The following PPP1R21 variants were observed in gnomAD, a reference collection of about 807,000 sequenced individuals.
PPP1R21 encodes the protein KLRAQ motif containing 1.
In PPP1R21, 85 loss-of-function variants were observed where a neutral mutation model predicts 112.8. That is an observed-to-expected ratio of 0.75 (90% CI 0.63 to 0.90). The LOEUF (loss-of-function observed/expected upper bound fraction) is 0.90. Among genes scored for constraint, PPP1R21 ranks in the 40% least tolerant of loss-of-function variants. PPP1R21 has a pLI of 0.00. For missense variants in PPP1R21, 1,199 were observed against 901.5 expected (o/e 1.33, Z -4.23); for synonymous variants, 381 against 322.3 (o/e 1.18, Z -1.95).
chr2:48,457,952 A>T, intron 3 of PPP1R21, 174 bp from the exon 4 acceptor site: 1 of 580,156 alleles, frequency 1.7e-6, no homozygotes, highest in Non-Finnish European at 3.3e-6. Context: ...TGCAGTTTCA[A>T]CTTGTGTCAC....
chr2:48,477,044 C>A lies in PPP1R21; in HGVS notation c.1225+2225C>A, dbSNP rs1027370700. ...AAATCTGAGGTTATGAAGACTTACC[C>A]TGTGTTTTCTTCTAAGCGTTTTATA... is the stretch of plus-strand genomic sequence containing the variant. On this transcript the variant is annotated intron_variant, in intron 12 of 21. Transcript: ENST00000294952. Among the ~76,000 whole-genome samples the A allele has an allele frequency of 4.0e-5, 6 of 151,476 alleles. No homozygotes were observed. The South Asian group carries it at 1.2e-3, about 32-fold the overall frequency.
At chr2:48,461,335 G>C in intron 7 of PPP1R21, 103 bp downstream of exon 7, 1 of 1,347,826 alleles carries the variant, frequency 7.4e-7, no homozygotes, top group Non-Finnish European at 9.6e-7. Context: ...AAATTTAATT[G>C]GCCCCACAGA....
chr2:48,474,129 T>G (rs1461951667), intron 11 of PPP1R21, among the ~76,000 whole-genome samples: 2 of 152,198 alleles, frequency 1.3e-5, no homozygotes, highest in Non-Finnish European at 2.9e-5. Context: ...ATGCCTGTAA[T>G]CCCAGCACTT....
At chr2:48,491,227 G>A (rs2103940328) in intron 15 of PPP1R21, 57 bp downstream of exon 15, 1 of 1,557,060 alleles carries the variant, frequency 6.4e-7, no homozygotes, top group Non-Finnish European at 8.7e-7. Context: ...TCATTCTAGA[G>A]AATGGCAAGA....
intron 18 of PPP1R21, 83 bp downstream of exon 18, chr2:48,505,679 T>C: frequency 8.5e-7 from 1 of 1,178,188 alleles, no homozygotes; most frequent in South Asian, 1.3e-5. Flanking sequence ...AAGCCATCTT[T>C]GTCTAATTGT....
At chr2:48,479,271 G>A (rs1281311767) in intron 12 of PPP1R21, among the ~76,000 whole-genome samples, 2 of 152,198 alleles carry the variant, frequency 1.3e-5, no homozygotes, top group African/African-American at 4.8e-5. Flanking sequence ...TGGGAGAGAC[G>A]AAGTCCCGTG....
chr2:48,441,146 G>A, intron 1 of PPP1R21, 136 bp downstream of exon 1: 2 of 688,180 alleles, frequency 2.9e-6, no homozygotes, highest in South Asian at 1.6e-5. Context: ...AGCCGTCTCC[G>A]TCCACCATTA....
intron 7 of PPP1R21, among the ~76,000 whole-genome samples, chr2:48,462,867 T>C (rs533202661): frequency 2.0e-5 from 3 of 152,192 alleles, no homozygotes; most frequent in East Asian, 1.9e-4. Flanking sequence ...TGGCGTACTA[T>C]TGTGGAGGCT....
intron 2 of PPP1R21, among the ~76,000 whole-genome samples, chr2:48,451,435 C>T (rs866825155): frequency 1.3e-5 from 2 of 152,120 alleles, no homozygotes; most frequent in African/African-American, 2.4e-5. Flanking sequence ...TATTTGAATC[C>T]CTCTCACTCA....
chr2:48,508,170 TA>T (rs1276530596), intron 19 of PPP1R21, among the ~76,000 whole-genome samples: 5 of 151,274 alleles, frequency 3.3e-5, no homozygotes, highest in African/African-American at 1.2e-4. Flanking sequence ...AGAGAGAAAG[TA>T]GAGATACCAA....
At chr2:48,482,117 AT>A (rs1302157563) in intron 13 of PPP1R21, among the ~76,000 whole-genome samples, 1 of 152,210 alleles carries the variant, frequency 6.6e-6, no homozygotes, top group East Asian at 1.9e-4. Flanking sequence ...TTCTTAATCT[AT>A]TGGTTGATAG....
rs1212660416 is a variant in PPP1R21 at position 48,467,536 on chromosome 2, A to G, written c.897+1894A>G. Among the ~76,000 whole-genome samples the G allele has an allele frequency of 2.6e-5, 4 of 152,322 alleles. No individual in the cohort carries two copies. The East Asian group carries it at 7.7e-4, about 29-fold the overall frequency. ...ACTGGAGCTGGGGGATTTGCATCCC[A>G]GGTGGCCGACTTACATGCCTGGTGA... On this transcript the variant is annotated intron_variant, in intron 9 of 21. Coordinates refer to ENST00000294952, the MANE Select transcript of PPP1R21 (RefSeq NM_001135629.3).
At chr2:48,505,484 G>T in intron 17 of PPP1R21, 80 bp from the exon 18 acceptor site, 1 of 1,079,796 alleles carries the variant, frequency 9.3e-7, no homozygotes, top group South Asian at 1.3e-5. Flanking sequence ...ACGGAGAGGA[G>T]AAAATATTAA....
At chr2:48,453,354 T>C (rs553065072) in intron 2 of PPP1R21, among the ~76,000 whole-genome samples, 2 of 152,208 alleles carry the variant, frequency 1.3e-5, no homozygotes, top group Non-Finnish European at 2.9e-5. Flanking sequence ...CAGTTATTTT[T>C]TTATTTTCTA....
chr2:48,459,732 G>C (rs1667891544), intron 4 of PPP1R21, 22 bp from the exon 5 acceptor site: 1 of 1,604,974 alleles, frequency 6.2e-7, no homozygotes, highest in Non-Finnish European at 8.5e-7. Context: ...TGTGAGAAGA[G>C]AAAATGGTCT....
intron 3 of PPP1R21, among the ~76,000 whole-genome samples, chr2:48,457,185 A>T (rs147964494): frequency 3.9e-5 from 6 of 152,302 alleles, no homozygotes; most frequent in African/African-American, 1.4e-4. Context: ...TGGGTGTAAT[A>T]TTGAGAATTA....
chr2:48,477,135 T>A (rs888411927), intron 12 of PPP1R21, among the ~76,000 whole-genome samples: 1 of 148,834 alleles, frequency 6.7e-6, no homozygotes, highest in African/African-American at 2.5e-5. Context: ...TTTTTTTTTT[T>A]TTTTTAGACA....
At chr2:48,510,927 T>C (rs1210665929) in intron 20 of PPP1R21, among the ~76,000 whole-genome samples, 1 of 152,224 alleles carries the variant, frequency 6.6e-6, no homozygotes, top group African/African-American at 2.4e-5. Flanking sequence ...TGAGAAAAAC[T>C]TGTTGCCATT....
chr2:48,492,621 G>T (rs1189106002), intron 15 of PPP1R21, among the ~76,000 whole-genome samples: 2 of 152,224 alleles, frequency 1.3e-5, no homozygotes, highest in Non-Finnish European at 2.9e-5. Context: ...GGTGGAATAT[G>T]AGAAGTAGAA....
Sources: allele counts gnomAD v4.1 joint callset (sites outside exome capture counted in the v4.1 genomes callset), GRCh38; gene constraint gnomAD v4.1.1; transcripts MANE v1.5; gene names NCBI Gene and HGNC (gene_info 2026-07-23, HGNC 2026-07-21).